MIPOL1: variants seen among roughly 807,000 people sequenced by gnomAD.
The protein encoded by MIPOL1 is mirror-image polydactyly gene 1 protein.
In MIPOL1, 57 loss-of-function variants were observed where a neutral mutation model predicts 60.9. The ratio of observed to expected loss-of-function variants is 0.94; its 90% CI spans 0.76 to 1.17. The LOEUF (loss-of-function observed/expected upper bound fraction) is 1.17, where lower values mean the gene tolerates loss of function less well. MIPOL1 is among the 50% of genes most tolerant of loss of function. The probability of loss-of-function intolerance (pLI) is 0.00; values close to 1 mark genes in which losing one functional copy is unlikely to be tolerated. For synonymous variants in MIPOL1, 179 were observed against 168.8 expected, an observed-to-expected ratio of 1.06 and a Z score of -0.47; for missense variants, 551 against 511.6, an observed-to-expected ratio of 1.08 and a Z score of -0.74.
At chr14:37,415,596 T>G (rs1258856940) in intron 10 of MIPOL1, among the ~76,000 whole-genome samples, 1 of 139,264 alleles carries the variant, frequency 7.2e-6, no homozygotes, top group Non-Finnish European at 1.5e-5. Context: ...GTCACTGCAC[T>G]CCAGCCTGGG....
At chr14:37,502,960 G>C (rs903760673) in intron 12 of MIPOL1, 1 of 152,194 alleles carries the variant, frequency 6.6e-6, no homozygotes, top group African/African-American at 2.4e-5. Context: ...CATGGCAGGA[G>C]AACTTCATGA....
intron 12 of MIPOL1, among the ~76,000 whole-genome samples, chr14:37,531,084 C>G (rs2095476407): frequency 6.6e-6 from 1 of 152,088 alleles, no homozygotes. Context: ...CCACAAAGTG[C>G]TGGGATTACA....
chr14:37,493,920 G>A (rs978737723), intron 11 of MIPOL1, among the ~76,000 whole-genome samples: 7 of 152,096 alleles, frequency 4.6e-5, no homozygotes, highest in South Asian at 2.1e-4. Flanking sequence ...GTGCCTTTGA[G>A]GAGTTATAAT....
intron 11 of MIPOL1, among the ~76,000 whole-genome samples, chr14:37,483,556 CTG>C (rs1460819454): frequency 2.0e-5 from 3 of 152,134 alleles, no homozygotes; most frequent in African/African-American, 7.2e-5. Flanking sequence ...TTATGGATGA[CTG>C]AAAGCAGGTT....
At chr14:37,527,976 A>AC (rs1469870195) in intron 12 of MIPOL1, among the ~76,000 whole-genome samples, 1 of 152,072 alleles carries the variant, frequency 6.6e-6, no homozygotes, top group Non-Finnish European at 1.5e-5. Flanking sequence ...ATGAAAAAAA[A>AC]AGATTGCATT....
chr14:37,267,066 A>G lies in MIPOL1; in HGVS notation c.148A>G (p.Thr50Ala). ...ATCCACTGAATTAGTTAATGAAATA[A>G]CATGTGAGAACACAGAATGGCCAGG... ...RKSTELVNEI[T>A]CENTEWPGQR... Residue 50 changes from threonine (T) to alanine (A), a missense_variant, in exon 4 of 13, where the codon ACA (threonine) becomes GCA (alanine). Physicochemically the swap from Thr to Ala is moderately conservative, Grantham distance 58. Coordinates refer to ENST00000684589, the MANE Select transcript of MIPOL1 (RefSeq NM_001388067.1). 1.2e-6 allele frequency: 2 copies of G among 1,614,014 alleles called. No homozygotes were observed. The highest frequency in any genetic ancestry group is 1.1e-5 in the South Asian group (1 of 91,086).
intron 9 of MIPOL1, among the ~76,000 whole-genome samples, chr14:37,318,894 T>A (rs1346912417): frequency 6.6e-6 from 1 of 152,042 alleles, no homozygotes; most frequent in Non-Finnish European, 1.5e-5. Flanking sequence ...AGTGGTGTGA[T>A]CATGGCCGTG....
chr14:37,448,602 A>G (rs1401542244), intron 11 of MIPOL1, among the ~76,000 whole-genome samples: 3 of 152,222 alleles, frequency 2.0e-5, no homozygotes, highest in African/African-American at 7.2e-5. Flanking sequence ...CAAAGACTTA[A>G]CAGTTCACTG....
chr14:37,302,889 T>G (rs1465058997), intron 7 of MIPOL1, among the ~76,000 whole-genome samples: 1 of 151,874 alleles, frequency 6.6e-6, no homozygotes, highest in Non-Finnish European at 1.5e-5. Flanking sequence ...ACAGAATTGT[T>G]TTGGCTATTC....
At chr14:37,398,818 C>A (rs568349452) in intron 10 of MIPOL1, among the ~76,000 whole-genome samples, 1 of 152,250 alleles carries the variant, frequency 6.6e-6, no homozygotes, top group South Asian at 2.1e-4. Context: ...CCAAAATTTA[C>A]TTACATGTTA....
chr14:37,551,132 G>T lies in MIPOL1; in HGVS notation c.*4161G>T, dbSNP rs1238516437. The T allele has an allele frequency of 2.0e-5, 3 of 151,952 alleles. No individual in the cohort carries two copies. The East Asian group carries it at 5.8e-4, about 29-fold the overall frequency. 9.4% of individuals were successfully genotyped at this position (151,952 alleles called of 1,614,324 possible). A position where few individuals can be genotyped will look rare whatever the true frequency, so the allele number is the denominator to read the frequency against. ...CTAAATATAGTTTTGGTGTATGCTG[G>T]TATTTTAGAAGCCACCAATTTCTGG... On this transcript the variant is annotated 3_prime_UTR_variant, in exon 13 of 13. Coordinates refer to ENST00000684589, the MANE Select transcript of MIPOL1 (RefSeq NM_001388067.1).
At chr14:37,357,234 C>T (rs2091908187) in intron 9 of MIPOL1, among the ~76,000 whole-genome samples, 1 of 152,170 alleles carries the variant, frequency 6.6e-6, no homozygotes, top group Non-Finnish European at 1.5e-5. Flanking sequence ...AACAGATGGG[C>T]AGTTTGCAAG....
At chr14:37,264,326 GA>G (rs565304245) in intron 3 of MIPOL1, among the ~76,000 whole-genome samples, 3,391 of 146,780 alleles carry the variant, frequency 0.023, 118 homozygotes, top group African/African-American at 0.077. Flanking sequence ...TAATGTTTCA[GA>G]AAAAAAAAAA....
intron 11 of MIPOL1, chr14:37,423,932 T>C (rs1430136382): frequency 1.3e-5 from 2 of 152,144 alleles, no homozygotes; most frequent in Non-Finnish European, 2.9e-5. Flanking sequence ...TGACTGTAAG[T>C]GGTATTTTTG....
chr14:37,514,765 G>T (rs550056273), intron 12 of MIPOL1, among the ~76,000 whole-genome samples: 1 of 152,164 alleles, frequency 6.6e-6, no homozygotes, highest in East Asian at 1.9e-4. Flanking sequence ...GGGATTACAG[G>T]CATGTGCTAC....
At chr14:37,521,897 T>A (rs868504811) in intron 12 of MIPOL1, among the ~76,000 whole-genome samples, 133 of 32,606 alleles carry the variant, frequency 4.1e-3, no homozygotes, top group African/African-American at 0.018. Context: ...AAAAAAAATA[T>A]ATATATATAT....
intron 11 of MIPOL1, among the ~76,000 whole-genome samples, chr14:37,447,372 A>C (rs961397173): frequency 4.6e-5 from 7 of 152,200 alleles, no homozygotes; most frequent in African/African-American, 1.4e-4. Flanking sequence ...AATAATAAAC[A>C]ACTACACTCT....
chr14:37,538,693 T>C (rs1288584627), intron 12 of MIPOL1, among the ~76,000 whole-genome samples: 1 of 152,222 alleles, frequency 6.6e-6, no homozygotes, highest in East Asian at 1.9e-4. Context: ...CAAGGGATGT[T>C]GTACAACTTC....
intron 12 of MIPOL1, among the ~76,000 whole-genome samples, chr14:37,500,450 G>T (rs569788828): frequency 3.9e-5 from 6 of 152,120 alleles, no homozygotes; most frequent in Non-Finnish European, 4.4e-5. Context: ...ATTAGCAAGG[G>T]GAAGAGGCAG....
Sources: allele counts gnomAD v4.1 joint callset (sites outside exome capture counted in the v4.1 genomes callset), GRCh38; gene constraint gnomAD v4.1.1; transcripts MANE v1.5; gene names NCBI Gene and HGNC (gene_info 2026-07-23, HGNC 2026-07-21).